ZMAT4: variants seen among roughly 807,000 people sequenced by gnomAD.
ZMAT4 encodes zinc finger matrin-type protein 4.
Under a neutral mutation model 28.7 loss-of-function variants are expected in ZMAT4, and 17 were observed. The observed-to-expected ratio is 0.59, with a 90% confidence interval of 0.41 to 0.89. ZMAT4 has a LOEUF of 0.89. ZMAT4 is among the 40% of genes least tolerant of loss of function. ZMAT4 has a pLI of 0.00. For missense variants in ZMAT4, 240 were observed against 283.8 expected, an observed-to-expected ratio of 0.85 and a Z score of 1.11; for synonymous variants, 117 against 109.2, an observed-to-expected ratio of 1.07 and a Z score of -0.44.
At chr8:40,782,447 A>T (rs535781584) in intron 2 of ZMAT4, among the ~76,000 whole-genome samples, 1 of 152,286 alleles carries the variant, frequency 6.6e-6, no homozygotes, top group South Asian at 2.1e-4. Context: ...AAAAGACAAC[A>T]CACAGAATGG....
chr8:40,812,990 A>T (rs1815388003), intron 2 of ZMAT4, among the ~76,000 whole-genome samples: 1 of 147,898 alleles, frequency 6.8e-6, no homozygotes, highest in East Asian at 2.0e-4. Context: ...TAAATTAAAA[A>T]ATAAAAATAT....
chr8:40,539,807 G>C (rs937451535), intron 6 of ZMAT4, among the ~76,000 whole-genome samples: 5 of 152,182 alleles, frequency 3.3e-5, no homozygotes, highest in Admixed American at 6.5e-5. Flanking sequence ...TAAGCCCTTG[G>C]GATTTCCCAA....
At chr8:40,534,329 C>T (rs1272650806) in intron 6 of ZMAT4, among the ~76,000 whole-genome samples, 1 of 152,144 alleles carries the variant, frequency 6.6e-6, no homozygotes, top group Non-Finnish European at 1.5e-5. Flanking sequence ...TACAAAAGAA[C>T]ACGGAAAATT....
At chr8:40,550,614 C>T (rs1049039035) in intron 6 of ZMAT4, among the ~76,000 whole-genome samples, 4 of 152,066 alleles carry the variant, frequency 2.6e-5, no homozygotes, top group Non-Finnish European at 4.4e-5. Context: ...ATGCTGTTCT[C>T]GTGACAGTGA....
At chr8:40,895,153 A>G (rs551906921) in intron 1 of ZMAT4, among the ~76,000 whole-genome samples, 249 of 105,472 alleles carry the variant, frequency 2.4e-3, no homozygotes, top group African/African-American at 7.7e-3. Context: ...CATAGTGGTT[A>G]AAAGAGAGAG....
At chr8:40,651,666 G>A (rs1379013591) in intron 5 of ZMAT4, among the ~76,000 whole-genome samples, 1 of 151,502 alleles carries the variant, frequency 6.6e-6, no homozygotes. Flanking sequence ...CACACTACCT[G>A]ACTTCAAACT....
chr8:40,782,156 GGT>G (rs983557522), intron 2 of ZMAT4, among the ~76,000 whole-genome samples: 1 of 152,172 alleles, frequency 6.6e-6, no homozygotes, highest in African/African-American at 2.4e-5. Flanking sequence ...GGGAGGCTGA[GGT>G]GGGTGGATCT....
chr8:40,732,707 C>T (rs1380757973), intron 3 of ZMAT4, among the ~76,000 whole-genome samples: 1 of 152,124 alleles, frequency 6.6e-6, no homozygotes, highest in African/African-American at 2.4e-5. Flanking sequence ...ATGGGGTAGG[C>T]CTTCATCATC....
intron 1 of ZMAT4, among the ~76,000 whole-genome samples, chr8:40,889,838 TCTAA>T (rs1047830482): frequency 2.0e-5 from 3 of 152,206 alleles, no homozygotes; most frequent in Non-Finnish European, 2.9e-5. Flanking sequence ...TTTGCACATC[TCTAA>T]CTATTTCCTT....
intron 6 of ZMAT4, among the ~76,000 whole-genome samples, chr8:40,548,598 C>T (rs1440333521): frequency 6.6e-6 from 1 of 152,164 alleles, no homozygotes; most frequent in African/African-American, 2.4e-5. Flanking sequence ...TTCTGCATGG[C>T]TGAGTCAAGA....
chr8:40,567,406 A>T (rs1223602417), intron 6 of ZMAT4, among the ~76,000 whole-genome samples: 2 of 152,134 alleles, frequency 1.3e-5, no homozygotes, highest in South Asian at 4.1e-4. Context: ...TTCTTAACAC[A>T]ATATAGAATG....
chr8:40,605,487 T>C (rs1368768359), intron 5 of ZMAT4, among the ~76,000 whole-genome samples: 2 of 152,174 alleles, frequency 1.3e-5, no homozygotes, highest in East Asian at 1.9e-4. Flanking sequence ...ATTTGTATGG[T>C]TTTGAGAGTT....
intron 6 of ZMAT4, among the ~76,000 whole-genome samples, chr8:40,558,494 G>C (rs914699697): frequency 6.6e-6 from 1 of 152,036 alleles, no homozygotes; most frequent in Non-Finnish European, 1.5e-5. Context: ...CACAGAACTG[G>C]CTTATGGACA....
intron 1 of ZMAT4, among the ~76,000 whole-genome samples, chr8:40,844,715 T>A (rs1202567739): frequency 6.6e-6 from 1 of 150,774 alleles, no homozygotes; most frequent in Non-Finnish European, 1.5e-5. Flanking sequence ...TTTCTGGAGA[T>A]CCCTGGCTAA....
chr8:40,649,260 G>A (rs1807510836), intron 5 of ZMAT4, among the ~76,000 whole-genome samples: 1 of 151,994 alleles, frequency 6.6e-6, no homozygotes, highest in African/African-American at 2.4e-5. Context: ...ACAAAAAAAG[G>A]CAGGGGTTGC....
chr8:40,884,009 T>A (rs958639641), intron 1 of ZMAT4, among the ~76,000 whole-genome samples: 6 of 152,136 alleles, frequency 3.9e-5, no homozygotes, highest in Non-Finnish European at 5.9e-5. Flanking sequence ...TAATTTTGAT[T>A]TAGAGACGCA....
At chr8:40,535,667 C>CAA (rs35203408) in intron 6 of ZMAT4, among the ~76,000 whole-genome samples, 41 of 140,692 alleles carry the variant, frequency 2.9e-4, no homozygotes, top group African/African-American at 1.3e-4. Flanking sequence ...GACTCTGTCT[C>CAA]AAAAAAAAAA....
intron 6 of ZMAT4, among the ~76,000 whole-genome samples, chr8:40,552,751 C>T (rs2589903): frequency 0.036 from 5,507 of 152,124 alleles, 186 homozygotes; most frequent in East Asian, 0.13. Flanking sequence ...AAAGGCCACA[C>T]GGGGCCTCTT....
intron 5 of ZMAT4, among the ~76,000 whole-genome samples, chr8:40,623,755 A>C (rs1210578379): frequency 6.6e-6 from 1 of 152,210 alleles, no homozygotes. Context: ...AGGGCCCCTG[A>C]AAGGCTACAT....
Sources: gnomAD v4.1 joint callset for allele counts (sites outside exome capture counted in the v4.1 genomes callset) on GRCh38, gnomAD v4.1.1 for gene constraint, MANE v1.5 for transcripts, NCBI Gene and HGNC (gene_info 2026-07-23, HGNC 2026-07-21) for gene names.